The following CACNA1B variants were observed in gnomAD, a reference collection of about 807,000 sequenced individuals.
The protein encoded by CACNA1B is calcium voltage-gated channel subunit alpha1 B.
CACNA1B carries 70 observed loss-of-function variants against 247.2 expected under a neutral mutation model. That is an observed-to-expected ratio of 0.28 (90% CI 0.23 to 0.35). CACNA1B has a LOEUF of 0.35. Among genes scored for constraint, CACNA1B ranks in the 10% least tolerant of loss-of-function variants. The pLI, the probability that CACNA1B is intolerant of heterozygous loss-of-function variation, is 1.00. For synonymous variants in CACNA1B, 1,231 were observed against 1,294.4 expected, an observed-to-expected ratio of 0.95 and a Z score of 1.05; for missense variants, 2,367 against 3,197.4, an observed-to-expected ratio of 0.74 and a Z score of 6.26.
chr9:138,013,228 A>T lies in CACNA1B; in HGVS notation c.2260A>T (p.Ile754Phe). ...CCCCATGTCTGCCGCGAACATCTCC[A>T]TCGCCGCGTAAGGCTCCTAGGAGTG... is the stretch of plus-strand genomic sequence containing the variant. ...VSPMSAANIS[I>F]AARQQNSAKA... Residue 754 changes from isoleucine (I) to phenylalanine (F), a missense_variant, in exon 18 of 47, where the codon ATC becomes TTC. Coordinates refer to ENST00000371372, the MANE Select transcript of CACNA1B (RefSeq NM_000718.4). 1 of 1,591,488 alleles carries T rather than the reference A, an allele frequency of 6.3e-7. No homozygotes were observed. The highest frequency in any genetic ancestry group is 8.6e-7 in the Non-Finnish European group (1 of 1,168,756).
rs772708244 is a variant in CACNA1B at position 138,052,308 on chromosome 9, G to A, written c.3807+120G>A. ...GTGTGTGTGTTCACATCACACCCCT[G>A]TGTGAGGGGGTTGGGCTCACTCAGC... On this transcript the variant is annotated intron_variant, in intron 25 of 46. Transcript: ENST00000371372. The surrounding 1 kb of genome is among the most constrained non-coding windows in gnomAD (Gnocchi z 5.1). The A allele has an allele frequency of 1.6e-6, 1 of 628,552 alleles. No homozygotes were observed. The highest frequency in any genetic ancestry group is 2.9e-6 in the Non-Finnish European group (1 of 349,974). The allele number at this position is 628,552 out of a possible 1,614,324, so 38.9% of individuals were successfully genotyped here. A position where few individuals can be genotyped will look rare whatever the true frequency, so the allele number is the denominator to read the frequency against.
At chr9:137,941,755 T>C (rs1318427027) in intron 6 of CACNA1B, among the ~76,000 whole-genome samples, 1 of 152,118 alleles carries the variant, frequency 6.6e-6, no homozygotes, top group Non-Finnish European at 1.5e-5. Context: ...CAACAAATGG[T>C]GTTGGGATAA....
In CACNA1B at chr9:138,073,922, A is replaced by G; in HGVS notation, c.4792-79A>G. On this transcript the variant is annotated intron_variant, in intron 33 of 46. Transcript: ENST00000371372. This position sits in a 1 kb window ranked among gnomAD's most constrained non-coding sequence, Gnocchi z 6.4. ...GTAGGCTGAGGTCTGTGTGACCTCA[A>G]AGGCCCAGCCACCGTAGCAGGAGGC... 3.4e-6 allele frequency: 4 copies of G among 1,188,990 alleles called. No homozygotes were observed. The highest frequency in any genetic ancestry group is 5.0e-6 in the Non-Finnish European group (4 of 804,090). The allele number at this position is 1,188,990 out of a possible 1,614,324, so 73.7% of individuals were successfully genotyped here.
At chr9:138,040,246 C>T (rs1198328840) in intron 20 of CACNA1B, among the ~76,000 whole-genome samples, 1 of 152,092 alleles carries the variant, frequency 6.6e-6, no homozygotes, top group Non-Finnish European at 1.5e-5. Context: ...CCTATATTTA[C>T]TTACTTTATG....
intron 10 of CACNA1B, among the ~76,000 whole-genome samples, chr9:137,960,752 C>T (rs1272207029): frequency 6.6e-6 from 1 of 151,946 alleles, no homozygotes; most frequent in East Asian, 1.9e-4. Context: ...CAACCGGGAC[C>T]CCAGGCCGCC....
At chr9:138,047,337 C>T (rs962025907) in intron 22 of CACNA1B, 62 bp from the exon 23 acceptor site, 104 of 1,300,704 alleles carry the variant, frequency 8.0e-5, no homozygotes, top group Non-Finnish European at 1.0e-4. Flanking sequence ...TCGGAGCCAC[C>T]GAGGGCACCC....
chr9:138,004,899 A>G (rs1361301342), intron 15 of CACNA1B, among the ~76,000 whole-genome samples: 4 of 152,268 alleles, frequency 2.6e-5, no homozygotes, highest in Middle Eastern at 6.8e-3. Context: ...CAACATCACT[A>G]ATCATCAGGC....
At chr9:137,943,276 T>A (rs1957754537) in intron 6 of CACNA1B, among the ~76,000 whole-genome samples, 1 of 152,236 alleles carries the variant, frequency 6.6e-6, no homozygotes, top group Non-Finnish European at 1.5e-5. Flanking sequence ...AAGTTTCTGA[T>A]GTTTCCTGAC....
At chr9:137,931,591 A>T (rs991552380) in intron 6 of CACNA1B, among the ~76,000 whole-genome samples, 7 of 151,712 alleles carry the variant, frequency 4.6e-5, no homozygotes, top group African/African-American at 1.7e-4. Context: ...CATCATCTTT[A>T]TAGGAGGCCG....
At chr9:137,918,657 G>A (rs1041222828) in intron 6 of CACNA1B, among the ~76,000 whole-genome samples, 3 of 152,188 alleles carry the variant, frequency 2.0e-5, no homozygotes, top group Non-Finnish European at 4.4e-5. Flanking sequence ...TGGCATGATG[G>A]TGGACAGGTC....
intron 12 of CACNA1B, among the ~76,000 whole-genome samples, chr9:137,977,709 C>T (rs890370910): frequency 6.6e-5 from 10 of 152,094 alleles, no homozygotes; most frequent in South Asian, 2.1e-4. Flanking sequence ...TGGGTGGGCA[C>T]GCCGCCCCCT....
rs1339768756 is a variant in CACNA1B at position 138,010,051 on chromosome 9, C to G, written c.2134C>G (p.Leu712Val). 1 of 1,613,794 alleles carries G rather than the reference C, an allele frequency of 6.2e-7. No homozygotes were observed. Among genetic ancestry groups the G allele is most frequent in the Non-Finnish European group, 8.5e-7 (1 of 1,179,706 alleles). ...CTTTCTGGCCATCGCTGTGGACAAC[C>G]TGGCCAACGCCCAAGAGCTGACCAA... ...NVFLAIAVDNLANAQELTKDE... is the reference protein window; with the variant it reads ...NVFLAIAVDNVANAQELTKDE... Residue 712 changes from leucine to valine, a missense_variant, in exon 17 of 47, where the codon CTG becomes GTG. Transcript: ENST00000371372. The surrounding 1 kb of genome is among the most constrained non-coding windows in gnomAD (Gnocchi z 5.3).
chr9:137,948,156 T>C (rs564755811), intron 6 of CACNA1B, among the ~76,000 whole-genome samples: 2 of 152,138 alleles, frequency 1.3e-5, no homozygotes, highest in South Asian at 4.2e-4. Context: ...AACGTTTGTA[T>C]TTTTAGTAGA....
chr9:138,053,712 C>A lies in CACNA1B; in HGVS notation c.3808-134C>A, dbSNP rs574593685. 6.8e-5 allele frequency: 47 copies of A among 694,736 alleles called. No homozygotes were observed. In the African/African-American group the frequency reaches 8.2e-4, roughly 12 times the overall value. The allele number at this position is 694,736 out of a possible 1,614,324, so 43.0% of individuals were successfully genotyped here. On this transcript the variant is annotated intron_variant, in intron 25 of 46. Transcript: ENST00000371372. Reference sequence around the variant, plus strand: ...ATGGCCCCACCCATTCCCTTACGGCCATGCCCTCCCACCTTGGCTTCACCC... The same window carrying A: ...ATGGCCCCACCCATTCCCTTACGGCAATGCCCTCCCACCTTGGCTTCACCC...
intron 3 of CACNA1B, among the ~76,000 whole-genome samples, chr9:137,908,377 A>G (rs1456334633): frequency 1.3e-5 from 2 of 151,758 alleles, no homozygotes; most frequent in Non-Finnish European, 2.9e-5. Context: ...TTAGCCAGGT[A>G]TGGTGGCGAG....
chr9:137,967,395 G>C (rs1292641783), intron 10 of CACNA1B, among the ~76,000 whole-genome samples: 1 of 152,158 alleles, frequency 6.6e-6, no homozygotes, highest in Admixed American at 6.5e-5. Context: ...CGTCCCTTCA[G>C]ACTGCCCCCA....
chr9:138,045,788 C>T (rs1284474842), intron 21 of CACNA1B, among the ~76,000 whole-genome samples: 1 of 152,094 alleles, frequency 6.6e-6, no homozygotes, highest in Non-Finnish European at 1.5e-5. Flanking sequence ...GGCGGTGGGC[C>T]AGGGATGAAC....
At position 137,950,114 on chromosome 9, in the gene CACNA1B, TCC is replaced by T. The variant is rs1957862321; in HGVS notation, c.967-2157_967-2156del. Among the ~76,000 whole-genome samples, 1 of 152,114 alleles carries T rather than the reference TCC, an allele frequency of 6.6e-6. No individual in the cohort carries two copies. Among genetic ancestry groups the T allele is most frequent in the Non-Finnish European group, 1.5e-5 (1 of 68,016 alleles). Reference sequence around the variant, plus strand: ...TGCCGGTGAGTGCAGAAGTCTAGGTTCCCCACTTGGCATCTGTTGACTTATGG... The same window carrying T: ...TGCCGGTGAGTGCAGAAGTCTAGGTTCCACTTGGCATCTGTTGACTTATGG... On this transcript the variant is annotated intron_variant, in intron 6 of 46. Transcript: ENST00000371372. The surrounding 1 kb of genome is among the most constrained non-coding windows in gnomAD (Gnocchi z 4.8).
At position 138,059,699 on chromosome 9, in the gene CACNA1B, T is replaced by C. The variant is rs201665549; in HGVS notation, c.4630T>C (p.Leu1544=). Residue 1544 remains leucine, a synonymous_variant, in exon 31 of 47, where the codon TTG becomes CTG. Transcript: ENST00000371372. This position sits in a 1 kb window ranked among gnomAD's most constrained non-coding sequence, Gnocchi z 4.2. ...AWNVFDFVTV[L]GSITDILVTE... ...GAATGTCTTTGACTTTGTCACTGTG[T>C]TGGGAAGTATTACTGATATTTTAGT... 1 of 1,608,532 alleles carries C rather than the reference T, an allele frequency of 6.2e-7. No individual in the cohort carries two copies. Among genetic ancestry groups the C allele is most frequent in the Non-Finnish European group, 8.5e-7 (1 of 1,174,870 alleles).
Sources: allele counts gnomAD v4.1 joint callset (sites outside exome capture counted in the v4.1 genomes callset), GRCh38; gene constraint gnomAD v4.1.1; non-coding constraint Gnocchi (gnomAD v3.1); transcripts MANE v1.5; gene names NCBI Gene and HGNC (gene_info 2026-07-23, HGNC 2026-07-21).